The following IGSF11 variants were observed in gnomAD, a reference collection of about 807,000 sequenced individuals.
The protein encoded by IGSF11 is CXADR like 1.
In IGSF11, 22 loss-of-function variants were observed where a neutral mutation model predicts 41.0. The observed-to-expected ratio is 0.54, with a 90% CI of 0.38 to 0.77. The LOEUF is 0.77. IGSF11 is among the 30% of genes least tolerant of loss of function. The pLI, the probability that IGSF11 is intolerant of heterozygous loss-of-function variation, is 0.00. For missense variants in IGSF11, 444 were observed against 530.8 expected, an observed-to-expected ratio of 0.84 and a Z score of 1.61; for synonymous variants, 219 against 201.3, an observed-to-expected ratio of 1.09 and a Z score of -0.74.
At chr3:119,044,932 T>C (rs1286837830) in intron 1 of IGSF11, among the ~76,000 whole-genome samples, 1 of 151,814 alleles carries the variant, frequency 6.6e-6, no homozygotes, top group Non-Finnish European at 1.5e-5. Flanking sequence ...AAACCTGAAA[T>C]ACACCAAAAT....
chr3:119,030,707 G>C (rs16829287), intron 1 of IGSF11, among the ~76,000 whole-genome samples: 1,663 of 152,264 alleles, frequency 0.011, 33 homozygotes, highest in East Asian at 0.061. Flanking sequence ...TGCTCACAAA[G>C]TATGGTCAAG....
intron 1 of IGSF11, among the ~76,000 whole-genome samples, chr3:119,030,988 G>A (rs1194873041): frequency 2.0e-5 from 3 of 152,196 alleles, no homozygotes; most frequent in African/African-American, 4.8e-5. Flanking sequence ...CAGGCACGGT[G>A]GCTCAGGCCT....
rs186818582 is a variant in IGSF11, at chr3:119,057,228, C to T, written c.49+47916G>A. Reference sequence around the variant, plus strand: ...TGACTGTATATCTAGAAAACCCCATCGTCTCAGCCCAAAATCTCCTTAAGC... The same window carrying T: ...TGACTGTATATCTAGAAAACCCCATTGTCTCAGCCCAAAATCTCCTTAAGC... On this transcript the variant is annotated intron_variant, in intron 1 of 6. Transcript: ENST00000354673. 8.6e-3 allele frequency among the ~76,000 whole-genome samples: 1,310 copies of T among 152,290 alleles called. 25 individuals carry two copies. The highest frequency in any genetic ancestry group is 0.029 in the African/African-American group (1,220 of 41,538).
intron 1 of IGSF11, among the ~76,000 whole-genome samples, chr3:119,080,973 T>G (rs1016929575): frequency 4.6e-5 from 7 of 152,284 alleles, no homozygotes; most frequent in Non-Finnish European, 1.0e-4. Context: ...TTGTTTTTTT[T>G]TCAATGTATT....
intron 1 of IGSF11, among the ~76,000 whole-genome samples, chr3:119,069,715 G>GA (rs72408580): frequency 6.6e-4 from 97 of 147,108 alleles, no homozygotes; most frequent in African/African-American, 1.2e-3. Flanking sequence ...AGCAAAAAGG[G>GA]AAAAAAAAAA....
At chr3:118,903,781 CA>C (rs1939231986) in intron 6 of IGSF11, among the ~76,000 whole-genome samples, 1 of 152,138 alleles carries the variant, frequency 6.6e-6, no homozygotes, top group Non-Finnish European at 1.5e-5. Flanking sequence ...GGGTAGTAAT[CA>C]GTGCAAGAAT....
chr3:119,025,695 T>G (rs1021990901), intron 1 of IGSF11, among the ~76,000 whole-genome samples: 1 of 151,924 alleles, frequency 6.6e-6, no homozygotes, highest in East Asian at 1.9e-4. Context: ...TAGTCAGACA[T>G]ACTGGGTTTG....
chr3:119,046,125 C>A (rs376256041), intron 1 of IGSF11, among the ~76,000 whole-genome samples: 1 of 149,848 alleles, frequency 6.7e-6, no homozygotes, highest in African/African-American at 2.5e-5. Flanking sequence ...TCACCAGCAA[C>A]GGAACAAAGC....
intron 1 of IGSF11, among the ~76,000 whole-genome samples, chr3:119,057,434 T>C (rs150899390): frequency 0.6 from 90,849 of 150,636 alleles, 27,299 homozygotes; most frequent in South Asian, 0.71. Flanking sequence ...AGGACCTCTT[T>C]GAGGAGAACT....
intron 1 of IGSF11, among the ~76,000 whole-genome samples, chr3:119,112,143 A>G (rs2077175473): frequency 6.6e-6 from 1 of 152,178 alleles, no homozygotes. Flanking sequence ...AGGGACATTT[A>G]AGACTGCAGA....
intron 4 of IGSF11, among the ~76,000 whole-genome samples, chr3:118,923,060 G>T (rs1286931290): frequency 6.6e-6 from 1 of 152,114 alleles, no homozygotes; most frequent in Non-Finnish European, 1.5e-5. Flanking sequence ...AGAGTGAGCT[G>T]CTTTCCGGGT....
At chr3:119,052,188 G>T (rs1462102225) in intron 1 of IGSF11, among the ~76,000 whole-genome samples, 1 of 151,996 alleles carries the variant, frequency 6.6e-6, no homozygotes, top group Non-Finnish European at 1.5e-5. Context: ...GAAACAAAAA[G>T]ATGGTTCTTG....
intron 1 of IGSF11, among the ~76,000 whole-genome samples, chr3:119,001,821 A>C (rs1342531113): frequency 2.1e-5 from 3 of 139,812 alleles, no homozygotes; most frequent in Non-Finnish European, 4.6e-5. Flanking sequence ...TTATGGCTGC[A>C]TAGTATTCCA....
chr3:119,078,906 G>C (rs747077084), intron 1 of IGSF11, among the ~76,000 whole-genome samples: 19 of 152,064 alleles, frequency 1.2e-4, no homozygotes, highest in Non-Finnish European at 2.5e-4. Context: ...AATGGGCAAA[G>C]GACAGAACAG....
intron 1 of IGSF11, chr3:119,105,089 T>A: frequency 8.8e-7 from 1 of 1,142,302 alleles, no homozygotes; most frequent in East Asian, 2.3e-5. Context: ...AGCCAGGCCA[T>A]AAGAGATAAT....
rs1296017251 is a variant in IGSF11, at chr3:119,047,829, C to T, written c.49+57315G>A. ...ACCACAGTGCAATCAAACTAGAACT[C>T]AGGATTAAGAATCTCACTCAAAACT... On this transcript the variant is annotated intron_variant, in intron 1 of 6. Transcript: ENST00000354673. 3.9e-5 allele frequency among the ~76,000 whole-genome samples: 6 copies of T among 152,180 alleles called. No individual in the cohort carries two copies. The East Asian group carries it at 1.2e-3, about 29-fold the overall frequency.
intron 1 of IGSF11, among the ~76,000 whole-genome samples, chr3:119,057,413 A>C (rs1290065733): frequency 6.6e-6 from 1 of 152,086 alleles, no homozygotes; most frequent in Non-Finnish European, 1.5e-5. Context: ...TCCAACTTAC[A>C]AGGGATGTGA....
intron 1 of IGSF11, among the ~76,000 whole-genome samples, chr3:119,020,010 C>T (rs536371914): frequency 1.3e-5 from 2 of 152,226 alleles, no homozygotes; most frequent in Non-Finnish European, 2.9e-5. Context: ...TTGCCCCTTC[C>T]ACCATGTGAG....
intron 1 of IGSF11, among the ~76,000 whole-genome samples, chr3:118,968,428 G>A (rs1028866773): frequency 6.6e-6 from 1 of 152,126 alleles, no homozygotes; most frequent in Non-Finnish European, 1.5e-5. Context: ...ACTCTTCTGT[G>A]AAAAGGTCCT....
Sources: allele counts gnomAD v4.1 joint callset (sites outside exome capture counted in the v4.1 genomes callset), GRCh38; gene constraint gnomAD v4.1.1; transcripts MANE v1.5; gene names NCBI Gene and HGNC (gene_info 2026-07-23, HGNC 2026-07-21).